NAA35: variants seen among roughly 807,000 people sequenced by gnomAD.
NAA35 encodes N-alpha-acetyltransferase 35, NatC auxiliary subunit.
NAA35 carries 18 observed loss-of-function variants against 101.7 expected under a neutral mutation model. That is an observed-to-expected ratio of 0.18 (90% CI 0.12 to 0.26). NAA35 has a LOEUF of 0.26. Ranked by LOEUF, NAA35 falls within the 10% of genes least tolerant of loss-of-function variation. The pLI, the probability that NAA35 is intolerant of heterozygous loss-of-function variation, is 1.00. For synonymous variants in NAA35, 267 were observed against 273.1 expected, an observed-to-expected ratio of 0.98 and a Z score of 0.22; for missense variants, 601 against 886.8, an observed-to-expected ratio of 0.68 and a Z score of 4.09.
chr9:85,971,319 C>T (rs1829988554), intron 6 of NAA35, among the ~76,000 whole-genome samples: 1 of 152,204 alleles, frequency 6.6e-6, no homozygotes, highest in South Asian at 2.1e-4. Context: ...AACCTGTGAG[C>T]ATCGTTAGAC....
chr9:86,025,304 G>C lies in NAA35; in HGVS notation c.*3344G>C, dbSNP rs558845399. ...TGGCAAGTAAAGATTGCTGGCGACT[G>C]GGGCGAGCTCTTTCTTGAAGGGGTG... On this transcript the variant is annotated 3_prime_UTR_variant, in exon 23 of 23. Transcript: ENST00000361671. 1.3e-5 allele frequency among the ~76,000 whole-genome samples: 2 copies of C among 152,262 alleles called. No homozygotes were observed. The highest frequency in any genetic ancestry group is 4.8e-5 in the African/African-American group (2 of 41,558).
At chr9:86,021,710 C>A (rs1587679581) in intron 22 of NAA35, among the ~76,000 whole-genome samples, 191 bp from the exon 23 acceptor site, 1 of 152,178 alleles carries the variant, frequency 6.6e-6, no homozygotes, top group Non-Finnish European at 1.5e-5. Context: ...TCATAAAACT[C>A]AAAAACAAAT....
In NAA35 at chr9:86,024,525, C is replaced by T. The variant is rs1462941387; in HGVS notation, c.*2565C>T. Reference sequence around the variant, plus strand: ...AAAAGGGAGGCAGGGAAGCCAGTCACGTGAGAGAAAATGTTGGTCTTAACA... The same window carrying T: ...AAAAGGGAGGCAGGGAAGCCAGTCATGTGAGAGAAAATGTTGGTCTTAACA... On this transcript the variant is annotated 3_prime_UTR_variant, in exon 23 of 23. Coordinates refer to ENST00000361671, the MANE Select transcript of NAA35 (RefSeq NM_024635.4). 6.6e-6 allele frequency among the ~76,000 whole-genome samples: 1 copy of T among 152,100 alleles called. No homozygotes were observed. Among genetic ancestry groups the T allele is most frequent in the East Asian group, 1.9e-4 (1 of 5,194 alleles).
chr9:85,959,732 C>T, intron 4 of NAA35, 61 bp from the exon 5 acceptor site: 1 of 1,100,916 alleles, frequency 9.1e-7, no homozygotes, highest in Non-Finnish European at 1.4e-6. Flanking sequence ...TGCTACTATA[C>T]ATAGTAACCA....
At chr9:86,015,124 T>TG (rs1222184882) in intron 17 of NAA35, among the ~76,000 whole-genome samples, 1 of 152,008 alleles carries the variant, frequency 6.6e-6, no homozygotes, top group African/African-American at 2.4e-5. Flanking sequence ...AAGCAGCTAA[T>TG]GGGACCTTTG....
chr9:85,965,600 G>GA (rs1829709524), intron 6 of NAA35, among the ~76,000 whole-genome samples: 1 of 151,930 alleles, frequency 6.6e-6, no homozygotes, highest in Non-Finnish European at 1.5e-5. Context: ...TTTTACTCCA[G>GA]TTTGTGTGCA....
At chr9:86,012,026 G>A (rs1831956435) in intron 15 of NAA35, among the ~76,000 whole-genome samples, 1 of 144,680 alleles carries the variant, frequency 6.9e-6, no homozygotes, top group Non-Finnish European at 1.5e-5. Context: ...AGCATGGTAT[G>A]GGGAAAGAAA....
At chr9:86,009,135 T>G (rs1407816594) in intron 14 of NAA35, among the ~76,000 whole-genome samples, 1 of 152,214 alleles carries the variant, frequency 6.6e-6, no homozygotes, top group Non-Finnish European at 1.5e-5. Context: ...ATTTTTAAAT[T>G]TGAAAATAAT....
intron 15 of NAA35, among the ~76,000 whole-genome samples, chr9:86,011,902 TTAA>T (rs1185302406): frequency 7.2e-6 from 1 of 139,604 alleles, no homozygotes; most frequent in African/African-American, 2.7e-5. Context: ...ATGATATATA[TTAA>T]TATATATTAT....
intron 12 of NAA35, among the ~76,000 whole-genome samples, chr9:86,002,361 T>G (rs779897818): frequency 1.3e-5 from 2 of 152,164 alleles, no homozygotes; most frequent in Non-Finnish European, 2.9e-5. Context: ...GTGTAGAATC[T>G]TGCAGGACTT....
chr9:86,018,456 C>A, intron 20 of NAA35, 61 bp downstream of exon 20: 2 of 1,521,346 alleles, frequency 1.3e-6, no homozygotes, highest in Non-Finnish European at 1.8e-6. Flanking sequence ...TAGAGAGATG[C>A]TGTTTGTACC....
At chr9:85,975,243 ACCTTTCT>A (rs1270160779) in intron 8 of NAA35, 86 bp downstream of exon 8, 12 of 1,332,486 alleles carry the variant, frequency 9.0e-6, no homozygotes, top group South Asian at 1.3e-5. Context: ...GTGTAGAACC[ACCTTTCT>A]CCTGTATGTG....
intron 6 of NAA35, among the ~76,000 whole-genome samples, chr9:85,973,569 A>G (rs905107852): frequency 6.6e-6 from 1 of 152,180 alleles, no homozygotes; most frequent in Admixed American, 6.5e-5. Flanking sequence ...AGTAGAGGCC[A>G]GGTTTTCAGC....
chr9:85,975,610 A>G (rs1297334902), intron 8 of NAA35, among the ~76,000 whole-genome samples: 1 of 152,140 alleles, frequency 6.6e-6, no homozygotes, highest in Non-Finnish European at 1.5e-5. Flanking sequence ...TTTTAATGTT[A>G]TTTTAAAATT....
intron 2 of NAA35, among the ~76,000 whole-genome samples, chr9:85,953,996 G>A (rs941683563): frequency 6.6e-6 from 1 of 152,150 alleles, no homozygotes; most frequent in Non-Finnish European, 1.5e-5. Context: ...ATGAGCATAC[G>A]AGTACCTCTT....
At position 85,993,897 on chromosome 9, in the gene NAA35, G is replaced by C. The variant is rs191930712; in HGVS notation, c.878-2502G>C. 2.9e-3 allele frequency among the ~76,000 whole-genome samples: 436 copies of C among 152,016 alleles called. 5 individuals carry two copies. In the South Asian group the frequency reaches 0.034, roughly 12 times the overall value. On this transcript the variant is annotated intron_variant, in intron 11 of 22. Coordinates refer to ENST00000361671, the MANE Select transcript of NAA35 (RefSeq NM_024635.4). ...AGTCACGGCTCACTACAGCCTCATC[G>C]TCCTGTACTCAAGCTGTCCTCCCAT...
At chr9:85,970,426 T>C (rs1034119807) in intron 6 of NAA35, among the ~76,000 whole-genome samples, 5 of 152,158 alleles carry the variant, frequency 3.3e-5, no homozygotes, top group African/African-American at 1.2e-4. Flanking sequence ...CAGATACTTA[T>C]TAATTACAAA....
chr9:85,948,379 A>G (rs1049405311), intron 2 of NAA35, among the ~76,000 whole-genome samples: 8 of 152,200 alleles, frequency 5.3e-5, no homozygotes, highest in African/African-American at 1.9e-4. Context: ...TAAGACATTC[A>G]GACTCATTGG....
chr9:85,988,013 G>A (rs1830725362), intron 11 of NAA35, among the ~76,000 whole-genome samples: 1 of 152,264 alleles, frequency 6.6e-6, no homozygotes, highest in South Asian at 2.1e-4. Context: ...CTTGGTTTCT[G>A]CTGCAAGATA....
Sources: allele counts gnomAD v4.1 joint callset (sites outside exome capture counted in the v4.1 genomes callset), GRCh38; gene constraint gnomAD v4.1.1; transcripts MANE v1.5; gene names NCBI Gene and HGNC (gene_info 2026-07-23, HGNC 2026-07-21).